The following STYK1 variants were observed in gnomAD, a reference collection of about 807,000 sequenced individuals.
The protein encoded by STYK1 is tyrosine-protein kinase STYK1.
In STYK1, 46 loss-of-function variants were observed where a neutral mutation model predicts 48.1. The ratio of observed to expected loss-of-function variants is 0.96; its 90% CI spans 0.75 to 1.22. STYK1 has a LOEUF of 1.22. STYK1 is among the 50% of genes most tolerant of loss of function. STYK1 has a pLI of 0.00. For missense variants in STYK1, 527 were observed against 521.1 expected (o/e 1.01, Z -0.11); for synonymous variants, 188 against 189.0 (o/e 0.99, Z 0.04).
chr12:10,668,260 G>C (rs1778761999), intron 1 of STYK1, among the ~76,000 whole-genome samples: 1 of 152,114 alleles, frequency 6.6e-6, no homozygotes, highest in South Asian at 2.1e-4. Flanking sequence ...CACAAAGAGA[G>C]AACCAGAGCT....
At chr12:10,655,384 C>A (rs1328706545) in intron 1 of STYK1, among the ~76,000 whole-genome samples, 2 of 152,194 alleles carry the variant, frequency 1.3e-5, no homozygotes, top group Non-Finnish European at 2.9e-5. Flanking sequence ...CAGTTAAAAG[C>A]CTTCATTGGC....
intron 4 of STYK1, among the ~76,000 whole-genome samples, chr12:10,632,451 A>T (rs559462776): frequency 2.8e-4 from 43 of 152,322 alleles, no homozygotes; most frequent in African/African-American, 8.2e-4. Flanking sequence ...GTGTAGCTGG[A>T]GCCAAGTGGG....
chr12:10,645,053 C>G (rs1947584806), intron 1 of STYK1, among the ~76,000 whole-genome samples: 1 of 151,962 alleles, frequency 6.6e-6, no homozygotes, highest in Non-Finnish European at 1.5e-5. Context: ...GGGGGAAACT[C>G]AAAGAGGGCC....
At chr12:10,635,331 T>A (rs963167187) in intron 2 of STYK1, among the ~76,000 whole-genome samples, 1 of 152,230 alleles carries the variant, frequency 6.6e-6, no homozygotes, top group Non-Finnish European at 1.5e-5. Context: ...TTAATTCAGA[T>A]AACAAATAAA....
intron 7 of STYK1, among the ~76,000 whole-genome samples, 165 bp downstream of exon 7, chr12:10,627,475 GA>G (rs1417681447): frequency 2.0e-5 from 3 of 152,102 alleles, no homozygotes; most frequent in Non-Finnish European, 4.4e-5. Context: ...CTAAGGAAGG[GA>G]CTAAAAACAA....
At chr12:10,642,855 C>T (rs1436854503) in intron 1 of STYK1, among the ~76,000 whole-genome samples, 1 of 152,076 alleles carries the variant, frequency 6.6e-6, no homozygotes, top group Non-Finnish European at 1.5e-5. Flanking sequence ...GGAAAGAATG[C>T]TAGATAGTGG....
chr12:10,658,367 G>A (rs1376028206), intron 1 of STYK1, among the ~76,000 whole-genome samples: 3 of 152,076 alleles, frequency 2.0e-5, no homozygotes, highest in Non-Finnish European at 4.4e-5. Context: ...TTTTAAAAAC[G>A]AAATTTTGTT....
intron 7 of STYK1, among the ~76,000 whole-genome samples, chr12:10,625,318 T>C (rs938359074): frequency 5.1e-4 from 78 of 152,204 alleles, no homozygotes; most frequent in East Asian, 2.3e-3. Flanking sequence ...CCTGGGTTCA[T>C]GCCATTCTTC....
At chr12:10,665,341 G>A (rs1211222526) in intron 1 of STYK1, among the ~76,000 whole-genome samples, 1 of 152,150 alleles carries the variant, frequency 6.6e-6, no homozygotes, top group Non-Finnish European at 1.5e-5. Context: ...CTTCACAAAT[G>A]CCGTAGAATG....
At chr12:10,646,514 A>T (rs1947600797) in intron 1 of STYK1, among the ~76,000 whole-genome samples, 1 of 152,208 alleles carries the variant, frequency 6.6e-6, no homozygotes, top group African/African-American at 2.4e-5. Flanking sequence ...TGTTAAAGGC[A>T]TTCAGTTTTA....
chr12:10,644,805 T>C (rs1401685951), intron 1 of STYK1, among the ~76,000 whole-genome samples: 7 of 113,518 alleles, frequency 6.2e-5, no homozygotes, highest in African/African-American at 1.8e-4. Context: ...GACTTTTAAG[T>C]AGAATATTAG....
At chr12:10,634,990 C>T (rs944225867) in intron 2 of STYK1, among the ~76,000 whole-genome samples, 1 of 152,152 alleles carries the variant, frequency 6.6e-6, no homozygotes, top group African/African-American at 2.4e-5. Context: ...GACTTCTGCT[C>T]CCATGATCAA....
rs1453767837 is a variant in STYK1, at chr12:10,620,294, A to C, written c.1119T>G (p.Pro373=). ...WRWREADRPS[P]RELRLRLEAA... ...CTTCTAGGCGCAAGCGCAGCTCTCT[A>C]GGTGAGGGGCGGTCAGCCTCACGCC... Residue 373 remains proline, a synonymous_variant, in exon 11 of 11, where the codon CCT becomes CCG. Coordinates refer to ENST00000075503, the MANE Select transcript of STYK1 (RefSeq NM_018423.3). 1 of 1,613,804 alleles carries C rather than the reference A, an allele frequency of 6.2e-7. No homozygotes were observed. Among genetic ancestry groups the C allele is most frequent in the East Asian group, 2.2e-5 (1 of 44,896 alleles).
At chr12:10,665,125 T>C (rs572446122) in intron 1 of STYK1, among the ~76,000 whole-genome samples, 2 of 152,154 alleles carry the variant, frequency 1.3e-5, no homozygotes, top group Non-Finnish European at 2.9e-5. Flanking sequence ...TGCTTGGGCT[T>C]CAAGAAAGAA....
chr12:10,634,155 G>T, intron 3 of STYK1, 31 bp from the exon 4 acceptor site: 2 of 1,368,364 alleles, frequency 1.5e-6, no homozygotes, highest in Non-Finnish European at 1.9e-6. Context: ...GAAGAGAAGA[G>T]AATGAAGAAG....
chr12:10,662,991 G>C (rs990308287), intron 1 of STYK1, among the ~76,000 whole-genome samples: 1 of 152,124 alleles, frequency 6.6e-6, no homozygotes, highest in Non-Finnish European at 1.5e-5. Flanking sequence ...CAGGACTTTG[G>C]TTCATTTTGA....
chr12:10,624,596 G>T, intron 8 of STYK1, 55 bp downstream of exon 8: 2 of 1,525,490 alleles, frequency 1.3e-6, no homozygotes, highest in South Asian at 2.3e-5. Flanking sequence ...TCATATTCAG[G>T]GACAACACCC....
At chr12:10,646,077 A>G (rs1947595856) in intron 1 of STYK1, among the ~76,000 whole-genome samples, 2 of 152,176 alleles carry the variant, frequency 1.3e-5, no homozygotes, top group African/African-American at 4.8e-5. Context: ...CTTTATCAGC[A>G]GCGTGAAAAT....
intron 1 of STYK1, among the ~76,000 whole-genome samples, chr12:10,666,118 T>C (rs1947831237): frequency 6.6e-6 from 1 of 152,208 alleles, no homozygotes; most frequent in Non-Finnish European, 1.5e-5. Flanking sequence ...GGGCCCAGGC[T>C]GAAGAGGTGT....
Sources: gnomAD v4.1 joint callset for allele counts (sites outside exome capture counted in the v4.1 genomes callset) on GRCh38, gnomAD v4.1.1 for gene constraint, MANE v1.5 for transcripts, NCBI Gene and HGNC (gene_info 2026-07-23, HGNC 2026-07-21) for gene names.